Variants in MEIKIN observed in about 807,000 individuals in gnomAD.
The protein encoded by MEIKIN is meiotic kinetochore factor.
intron 11 of MEIKIN, among the ~76,000 whole-genome samples, chr5:131,829,627 G>A (rs1185761676): frequency 2.0e-5 from 3 of 152,140 alleles, no homozygotes; most frequent in Non-Finnish European, 2.9e-5. Flanking sequence ...AAGTGTTATG[G>A]GTTGAATTGT....
At chr5:131,852,829 A>C (rs1018718450) in intron 10 of MEIKIN, among the ~76,000 whole-genome samples, 1 of 151,918 alleles carries the variant, frequency 6.6e-6, no homozygotes, top group Non-Finnish European at 1.5e-5. Context: ...CAAATTTAAA[A>C]ATATGTTGAT....
chr5:131,934,138 T>A (rs908789142), intron 4 of MEIKIN, among the ~76,000 whole-genome samples: 3 of 151,844 alleles, frequency 2.0e-5, no homozygotes, highest in Admixed American at 2.0e-4. Flanking sequence ...TTTATTTTTT[T>A]TTTTAGTAGA....
chr5:131,873,279 G>T (rs1750542052), intron 9 of MEIKIN, among the ~76,000 whole-genome samples: 1 of 152,034 alleles, frequency 6.6e-6, no homozygotes, highest in South Asian at 2.1e-4. Flanking sequence ...ACACACATAG[G>T]CTCAAAATAA....
At chr5:131,876,089 G>A (rs982467895) in intron 9 of MEIKIN, among the ~76,000 whole-genome samples, 9 of 152,170 alleles carry the variant, frequency 5.9e-5, no homozygotes, top group African/African-American at 2.2e-4. Context: ...GCATGGGCAA[G>A]GACTTCATGT....
intron 5 of MEIKIN, among the ~76,000 whole-genome samples, chr5:131,931,328 T>TC (rs1751687549): frequency 6.6e-6 from 1 of 152,136 alleles, no homozygotes; most frequent in Non-Finnish European, 1.5e-5. Flanking sequence ...GAAGCTGGAA[T>TC]CTTTTTTTTT....
At chr5:131,871,460 G>C (rs1013718584) in intron 9 of MEIKIN, among the ~76,000 whole-genome samples, 53 of 152,194 alleles carry the variant, frequency 3.5e-4, no homozygotes, top group African/African-American at 1.3e-3. Flanking sequence ...AGGGGCGCCC[G>C]CCATTCCCGA....
At chr5:131,851,750 C>A (rs185446818) in intron 10 of MEIKIN, among the ~76,000 whole-genome samples, 1 of 152,186 alleles carries the variant, frequency 6.6e-6, no homozygotes, top group Non-Finnish European at 1.5e-5. Flanking sequence ...GAAATCACCA[C>A]ACATTTCTGT....
At chr5:131,869,044 G>C (rs777448478) in intron 9 of MEIKIN, among the ~76,000 whole-genome samples, 3 of 152,138 alleles carry the variant, frequency 2.0e-5, no homozygotes, top group Non-Finnish European at 4.4e-5. Context: ...TATCTAAAAA[G>C]TCATCACCAT....
intron 8 of MEIKIN, among the ~76,000 whole-genome samples, chr5:131,910,075 C>A (rs552324659): frequency 6.6e-6 from 1 of 151,886 alleles, no homozygotes; most frequent in Non-Finnish European, 1.5e-5. Flanking sequence ...TGAGTATATA[C>A]GCAAACAAAA....
intron 8 of MEIKIN, among the ~76,000 whole-genome samples, chr5:131,892,313 T>C (rs1750937810): frequency 6.6e-6 from 1 of 152,240 alleles, no homozygotes; most frequent in Non-Finnish European, 1.5e-5. Flanking sequence ...CAGAGTGTTT[T>C]CCAGCTTGGT....
intron 8 of MEIKIN, among the ~76,000 whole-genome samples, chr5:131,891,586 C>G (rs982950886): frequency 6.6e-6 from 1 of 152,168 alleles, no homozygotes; most frequent in African/African-American, 2.4e-5. Flanking sequence ...CTTCCTCCAT[C>G]CCTTTATTTT....
In MEIKIN at chr5:131,844,212, G is replaced by A. The variant is rs77203253; in HGVS notation, c.975+7052C>T. On this transcript the variant is annotated intron_variant, in intron 11 of 12. Coordinates refer to ENST00000442687, the MANE Select transcript of MEIKIN (RefSeq NM_001303622.2). The stretch of plus-strand genomic sequence containing the variant: ...CCCACTAGATCCCTCCCCCAACACT[G>A]GGAATACAATTCAACAAGAGATTTG... Among the ~76,000 whole-genome samples the A allele has an allele frequency of 6.3e-3, 964 of 152,042 alleles. 7 individuals are homozygous for A. Among genetic ancestry groups the A allele is most frequent in the African/African-American group, 0.022 (902 of 41,446 alleles).
At chr5:131,891,784 T>C (rs1402065700) in intron 8 of MEIKIN, among the ~76,000 whole-genome samples, 1 of 152,228 alleles carries the variant, frequency 6.6e-6, no homozygotes, top group Non-Finnish European at 1.5e-5. Context: ...ATTTTGCTCA[T>C]TAGTTGATGC....
At chr5:131,821,157 T>C (rs1033205973) in intron 11 of MEIKIN, among the ~76,000 whole-genome samples, 8 of 152,194 alleles carry the variant, frequency 5.3e-5, no homozygotes, top group Non-Finnish European at 8.8e-5. Flanking sequence ...TTTCCATTAG[T>C]ACTGCTTTTG....
At chr5:131,925,054 T>C (rs1751565782) in intron 5 of MEIKIN, among the ~76,000 whole-genome samples, 1 of 152,242 alleles carries the variant, frequency 6.6e-6, no homozygotes, top group South Asian at 2.1e-4. Context: ...GTTTTCCCAA[T>C]AGCATTTGTT....
chr5:131,839,284 T>C (rs966105696), intron 11 of MEIKIN, among the ~76,000 whole-genome samples: 1 of 152,210 alleles, frequency 6.6e-6, no homozygotes, highest in African/African-American at 2.4e-5. Context: ...ATGTGATCAA[T>C]TTTAGAGTAT....
intron 3 of MEIKIN, among the ~76,000 whole-genome samples, chr5:131,942,968 T>G (rs1377726118): frequency 6.6e-6 from 1 of 152,088 alleles, no homozygotes; most frequent in African/African-American, 2.4e-5. Flanking sequence ...AAATAGAAGA[T>G]AGAGGTGAAT....
At chr5:131,844,341 A>T (rs1749972841) in intron 11 of MEIKIN, among the ~76,000 whole-genome samples, 1 of 152,242 alleles carries the variant, frequency 6.6e-6, no homozygotes, top group Non-Finnish European at 1.5e-5. Context: ...TTTTCAAGAC[A>T]CTGGACATCA....
intron 10 of MEIKIN, among the ~76,000 whole-genome samples, chr5:131,852,145 T>G (rs536370406): frequency 6.6e-6 from 1 of 152,328 alleles, no homozygotes; most frequent in East Asian, 1.9e-4. Flanking sequence ...AAATCTCATC[T>G]TGAATTGTAA....
Sources: allele counts gnomAD v4.1 joint callset (sites outside exome capture counted in the v4.1 genomes callset), GRCh38; gene constraint gnomAD v4.1.1; transcripts MANE v1.5; gene names NCBI Gene and HGNC (gene_info 2026-07-23, HGNC 2026-07-21).